PYGB: variants seen among roughly 807,000 people sequenced by gnomAD.
PYGB encodes glycogen phosphorylase, brain form.
PYGB carries 82 observed loss-of-function variants against 94.3 expected under a neutral mutation model. That is an observed-to-expected ratio of 0.87 (90% confidence interval 0.73 to 1.04). The LOEUF (loss-of-function observed/expected upper bound fraction) is 1.04, where lower values mean the gene tolerates loss of function less well. Ranked by LOEUF, PYGB falls within the 50% of genes least tolerant of loss-of-function variation. PYGB has a pLI of 0.00. For missense variants in PYGB, 1,132 were observed against 1,158.2 expected, an observed-to-expected ratio of 0.98 and a Z score of 0.33; for synonymous variants, 488 against 479.1, an observed-to-expected ratio of 1.02 and a Z score of -0.24.
intron 2 of PYGB, 102 bp downstream of exon 2, chr20:25,259,440 C>G (rs2092908947): frequency 2.3e-6 from 2 of 872,900 alleles, no homozygotes; most frequent in Non-Finnish European, 3.6e-6. Flanking sequence ...AGACTAGCAG[C>G]TATCTGGGAA....
chr20:25,281,846 C>A (rs971863535), intron 11 of PYGB, among the ~76,000 whole-genome samples, 187 bp from the exon 12 acceptor site: 1 of 152,238 alleles, frequency 6.6e-6, no homozygotes, highest in African/African-American at 2.4e-5. Context: ...CCCCGGGGTG[C>A]AGGTGCTGCC....
At chr20:25,248,639 C>T (rs971741497) in intron 1 of PYGB, among the ~76,000 whole-genome samples, 2 of 151,944 alleles carry the variant, frequency 1.3e-5, no homozygotes, top group African/African-American at 2.4e-5. Context: ...GTCCGCCCCA[C>T]TGGGAGCCCG....
intron 1 of PYGB, chr20:25,250,887 T>G (rs1600718131): frequency 1.3e-5 from 2 of 152,234 alleles, no homozygotes; most frequent in East Asian, 3.8e-4. Context: ...AAAAATTAAC[T>G]GTAATCCTGT....
At chr20:25,291,531 C>T (rs937535507) in intron 16 of PYGB, among the ~76,000 whole-genome samples, 3 of 152,180 alleles carry the variant, frequency 2.0e-5, no homozygotes, top group African/African-American at 4.8e-5. Context: ...GTGTCCATGT[C>T]GCTCCCCCTC....
chr20:25,285,800 T>C (rs1015021814), intron 14 of PYGB, among the ~76,000 whole-genome samples: 13 of 152,144 alleles, frequency 8.5e-5, no homozygotes, highest in African/African-American at 3.1e-4. Flanking sequence ...CCCAGCTGTA[T>C]CAGTTTGAGT....
chr20:25,272,005 C>T (rs2088272348), intron 4 of PYGB, among the ~76,000 whole-genome samples: 1 of 152,156 alleles, frequency 6.6e-6, no homozygotes, highest in Non-Finnish European at 1.5e-5. Context: ...TACAGTGGCC[C>T]TTGGAAGGAG....
intron 19 of PYGB, among the ~76,000 whole-genome samples, chr20:25,295,893 G>A (rs1480188497): frequency 2.6e-5 from 4 of 152,242 alleles, no homozygotes; most frequent in Non-Finnish European, 5.9e-5. Flanking sequence ...GCCAAGAAAG[G>A]AATGTGCGGC....
chr20:25,249,594 T>G (rs1200121139), intron 1 of PYGB, among the ~76,000 whole-genome samples: 1 of 152,262 alleles, frequency 6.6e-6, no homozygotes, highest in African/African-American at 2.4e-5. Context: ...AATACGGTAA[T>G]TGCTAAGAGA....
intron 1 of PYGB, among the ~76,000 whole-genome samples, chr20:25,258,303 C>T (rs1392998306): frequency 6.6e-6 from 1 of 152,218 alleles, no homozygotes; most frequent in Non-Finnish European, 1.5e-5. Flanking sequence ...CAAGTTGCTG[C>T]CGTTTCCTTT....
chr20:25,249,805 C>T (rs149580561), intron 1 of PYGB, among the ~76,000 whole-genome samples: 4 of 152,138 alleles, frequency 2.6e-5, no homozygotes, highest in Admixed American at 6.5e-5. Flanking sequence ...AGCAGTGGCT[C>T]CCCCAGAATT....
At chr20:25,288,509 T>G in intron 15 of PYGB, 26 bp downstream of exon 15, 1 of 1,611,554 alleles carries the variant, frequency 6.2e-7, no homozygotes, top group Non-Finnish European at 8.5e-7. Context: ...TGCAGTCCTC[T>G]CTGTGGTGTT....
intron 6 of PYGB, 135 bp downstream of exon 6, chr20:25,276,892 G>A (rs555026759): frequency 8.1e-5 from 63 of 782,508 alleles, no homozygotes; most frequent in South Asian, 4.8e-4. Flanking sequence ...GTGTCCCTGC[G>A]TCCCAGTGAA....
chr20:25,285,899 G>A (rs546243673), intron 14 of PYGB, among the ~76,000 whole-genome samples: 20 of 152,288 alleles, frequency 1.3e-4, no homozygotes, highest in African/African-American at 4.8e-4. Flanking sequence ...GTTCATGACT[G>A]GCTCATGGGA....
rs1312246757 is a variant in PYGB, at chr20:25,274,643, C to T, written c.580C>T (p.Arg194Trp). The T allele has an allele frequency of 4.3e-6, 7 of 1,613,738 alleles. No homozygotes were observed. Among genetic ancestry groups the T allele is most frequent in the East Asian group, 4.5e-5 (2 of 44,900 alleles). ...CTACGGCAACCCCTGGGAGAAAGCG[C>T]GGCCTGAGTATATGCTTCCCGTGCA... ...LRYGNPWEKA[R>W]PEYMLPVHFY... is the part of the protein sequence containing the mutation. Residue 194 changes from arginine to tryptophan, a missense_variant, in exon 5 of 20, where the codon CGG becomes TGG. Arg to Trp is a moderately radical substitution (Grantham distance 101). Transcript: ENST00000216962.
In PYGB at chr20:25,259,552, C is replaced by T. The variant is rs79428943; in HGVS notation, c.345+214C>T. Among the ~76,000 whole-genome samples, 1,009 of 152,248 alleles carry T rather than the reference C, an allele frequency of 6.6e-3. 15 individuals are homozygous for T. The highest frequency in any genetic ancestry group is 0.023 in the African/African-American group (966 of 41,524). ...AAGTAAGAATCGAACGGACCGCAAGCGTGGGGTTGAATTGGGATGCGAAGG... is the reference window on the plus strand; with the variant it reads ...AAGTAAGAATCGAACGGACCGCAAGTGTGGGGTTGAATTGGGATGCGAAGG... On this transcript the variant is annotated intron_variant, in intron 2 of 19. Coordinates refer to ENST00000216962, the MANE Select transcript of PYGB (RefSeq NM_002862.4).
rs560898458 is a variant in PYGB, at chr20:25,248,124, C to G, written c.-55C>G. 4 of 1,519,740 alleles carry G rather than the reference C, an allele frequency of 2.6e-6. No individual in the cohort carries two copies. Among genetic ancestry groups the G allele is most frequent in the East Asian group, 2.5e-5 (1 of 40,298 alleles). 94.1% of individuals were successfully genotyped at this position (1,519,740 alleles called of 1,614,324 possible). A position where few individuals can be genotyped will look rare whatever the true frequency, so the allele number is the denominator to read the frequency against. ...AGAGCAGCTGCACCATCCCGGCGTT[C>G]GCGTGTGCCGCCGCTTTCCTCCTCC... On this transcript the variant is annotated 5_prime_UTR_variant, in exon 1 of 20. Transcript: ENST00000216962.
intron 18 of PYGB, chr20:25,294,956 T>C (rs1209794323): frequency 1.2e-6 from 2 of 1,614,162 alleles, no homozygotes; most frequent in Non-Finnish European, 1.7e-6. Flanking sequence ...GATGACCGTG[T>C]CACCTGTTGG....
intron 15 of PYGB, among the ~76,000 whole-genome samples, chr20:25,290,171 T>C (rs2088453143): frequency 6.6e-6 from 1 of 152,218 alleles, no homozygotes; most frequent in African/African-American, 2.4e-5. Context: ...GTTCTCTGTT[T>C]CCTGTCAGTC....
At chr20:25,273,088 A>G (rs2088281193) in intron 4 of PYGB, among the ~76,000 whole-genome samples, 3 of 152,218 alleles carry the variant, frequency 2.0e-5, no homozygotes, top group South Asian at 2.1e-4. Context: ...GGCTTTAGCC[A>G]TGGAAGAAGT....
Sources: allele counts gnomAD v4.1 joint callset (sites outside exome capture counted in the v4.1 genomes callset), GRCh38; gene constraint gnomAD v4.1.1; transcripts MANE v1.5; gene names NCBI Gene and HGNC (gene_info 2026-07-23, HGNC 2026-07-21).